NTM: variants seen among roughly 807,000 people sequenced by gnomAD.
NTM encodes the protein neurotrimin.
In NTM, 13 loss-of-function variants were observed where a neutral mutation model predicts 42.1. That is an observed-to-expected ratio of 0.31 (90% CI 0.20 to 0.49). The LOEUF (loss-of-function observed/expected upper bound fraction) is 0.49, where lower values mean the gene tolerates loss of function less well. NTM is among the 20% of genes least tolerant of loss of function. The pLI is 0.99. For missense variants in NTM, 373 were observed against 452.8 expected, an observed-to-expected ratio of 0.82 and a Z score of 1.60; for synonymous variants, 187 against 179.2, an observed-to-expected ratio of 1.04 and a Z score of -0.35.
chr11:132,013,150 G>A (rs1042504735), intron 2 of NTM, among the ~76,000 whole-genome samples: 3 of 152,148 alleles, frequency 2.0e-5, no homozygotes, highest in Non-Finnish European at 4.4e-5. Flanking sequence ...GAAGTCAACA[G>A]AGACTAGAAC....
chr11:131,541,505 G>A lies in NTM; in HGVS notation c.82+170617G>A, dbSNP rs565254034. On this transcript the variant is annotated intron_variant, in intron 1 of 8. Transcript: ENST00000683400. Reference sequence around the variant, plus strand: ...TTAAATGAGCTATGTAAACCTAGTCGATTTTGTGAGCTATGTAAAGTCAGT... The same window carrying A: ...TTAAATGAGCTATGTAAACCTAGTCAATTTTGTGAGCTATGTAAAGTCAGT... 5.3e-5 allele frequency among the ~76,000 whole-genome samples: 8 copies of A among 152,274 alleles called. No homozygotes were observed. The East Asian group carries it at 7.7e-4, about 15-fold the overall frequency.
chr11:131,753,236 T>C (rs950824605), intron 1 of NTM, among the ~76,000 whole-genome samples: 1 of 152,018 alleles, frequency 6.6e-6, no homozygotes, highest in South Asian at 2.1e-4. Flanking sequence ...AAAAGTCAGG[T>C]AACAACAGGT....
intron 2 of NTM, among the ~76,000 whole-genome samples, chr11:132,141,963 C>A (rs368548102): frequency 6.6e-6 from 1 of 152,170 alleles, no homozygotes. Flanking sequence ...TGCGGGGCAA[C>A]TGGAGGGCAA....
intron 1 of NTM, among the ~76,000 whole-genome samples, chr11:131,545,917 G>A (rs572371834): frequency 2.6e-5 from 4 of 152,124 alleles, no homozygotes; most frequent in Non-Finnish European, 5.9e-5. Flanking sequence ...TTACAGTGAC[G>A]CTTGACTCAG....
chr11:131,613,785 C>T (rs1360054979), intron 1 of NTM, among the ~76,000 whole-genome samples: 1 of 151,996 alleles, frequency 6.6e-6, no homozygotes, highest in African/African-American at 2.4e-5. Context: ...CCACACAGCC[C>T]GTAAGATCTG....
chr11:132,310,134 CAAGGGTACAGGTGTCCCCGTGGGACAA>C lies in NTM; in HGVS notation c.690_716del (p.Gly232_Thr240del). The C allele has an allele frequency of 6.2e-7, 1 of 1,605,540 alleles. No individual in the cohort carries two copies. The highest frequency in any genetic ancestry group is 8.5e-7 in the Non-Finnish European group (1 of 1,177,168). ...CAGATCCACCATACATTTCAGAAGC[CAAGGGTACAGGTGTCCCCGTGGGACAA>C]AAGGGGACACTGCAGTGTGAAGCCT... is the stretch of plus-strand genomic sequence containing the variant. On this transcript the variant is annotated inframe_deletion, in exon 6 of 9. Transcript: ENST00000683400.
intron 1 of NTM, among the ~76,000 whole-genome samples, chr11:131,907,177 A>G (rs1344106891): frequency 6.6e-6 from 1 of 152,200 alleles, no homozygotes; most frequent in African/African-American, 2.4e-5. Context: ...GGCATTTGTT[A>G]AGCTAGTGCT....
chr11:132,323,871 A>C (rs1331678203), intron 7 of NTM, among the ~76,000 whole-genome samples: 3 of 142,082 alleles, frequency 2.1e-5, no homozygotes, highest in Non-Finnish European at 4.6e-5. Context: ...CTGGTTCAAT[A>C]TACACAAATC....
intron 1 of NTM, among the ~76,000 whole-genome samples, chr11:131,843,695 C>G (rs1235785966): frequency 6.6e-6 from 1 of 152,218 alleles, no homozygotes; most frequent in Non-Finnish European, 1.5e-5. Flanking sequence ...TCTCACTAGA[C>G]TGCATGCGAA....
intron 1 of NTM, among the ~76,000 whole-genome samples, chr11:131,675,083 T>C (rs1221985615): frequency 6.6e-6 from 1 of 152,214 alleles, no homozygotes; most frequent in African/African-American, 2.4e-5. Flanking sequence ...ATCTTCCTGA[T>C]CCTGCCTGAG....
At chr11:131,486,223 C>T (rs572464744) in intron 1 of NTM, among the ~76,000 whole-genome samples, 25 of 152,236 alleles carry the variant, frequency 1.6e-4, no homozygotes, top group Admixed American at 2.6e-4. Flanking sequence ...CTATTGCCTC[C>T]AGAACTTGGC....
At chr11:131,910,573 C>A (rs948039708) in intron 1 of NTM, among the ~76,000 whole-genome samples, 8 of 151,262 alleles carry the variant, frequency 5.3e-5, no homozygotes, top group Admixed American at 1.3e-4. Flanking sequence ...AGGGATGGAG[C>A]TGCTGCCATG....
chr11:131,425,535 C>A (rs1202259519), intron 1 of NTM, among the ~76,000 whole-genome samples: 1 of 152,198 alleles, frequency 6.6e-6, no homozygotes, highest in African/African-American at 2.4e-5. Context: ...TATTGGCTAT[C>A]CTTCACAATC....
intron 1 of NTM, among the ~76,000 whole-genome samples, chr11:131,432,163 C>T (rs550608961): frequency 1.6e-4 from 24 of 152,194 alleles, no homozygotes; most frequent in African/African-American, 5.8e-4. Flanking sequence ...TACTACATTC[C>T]TCCTTAAGAA....
intron 2 of NTM, among the ~76,000 whole-genome samples, chr11:132,069,544 C>A (rs1393913736): frequency 3.3e-3 from 321 of 98,592 alleles, no homozygotes; most frequent in Middle Eastern, 8.1e-3. Flanking sequence ...AACACGTCAC[C>A]CAGCCAAGTT....
chr11:131,389,784 G>A (rs1356907781), intron 1 of NTM, among the ~76,000 whole-genome samples: 2 of 152,180 alleles, frequency 1.3e-5, no homozygotes, highest in African/African-American at 2.4e-5. Context: ...ACTCCCCTGG[G>A]ATTCAGTAAT....
chr11:131,381,408 T>TA (rs1229689616), intron 1 of NTM, among the ~76,000 whole-genome samples: 2 of 152,216 alleles, frequency 1.3e-5, no homozygotes, highest in African/African-American at 4.8e-5. Context: ...CAACTGGTGA[T>TA]ACACGAATAT....
chr11:132,254,256 C>T (rs552912115), intron 4 of NTM, among the ~76,000 whole-genome samples: 3 of 152,162 alleles, frequency 2.0e-5, no homozygotes, highest in South Asian at 2.1e-4. Flanking sequence ...AGTGTCTCCC[C>T]GCAACCCGTC....
chr11:132,314,904 A>G, intron 7 of NTM: 1 of 1,353,490 alleles, frequency 7.4e-7, no homozygotes, highest in Non-Finnish European at 9.5e-7. Flanking sequence ...CAGAAAGAGA[A>G]AGAACAAGAG....
Sources: gnomAD v4.1 joint callset for allele counts (sites outside exome capture counted in the v4.1 genomes callset) on GRCh38, gnomAD v4.1.1 for gene constraint, MANE v1.5 for transcripts, NCBI Gene and HGNC (gene_info 2026-07-23, HGNC 2026-07-21) for gene names.